Variants in KAZN observed in about 807,000 individuals in gnomAD.
KAZN encodes the protein kazrin, periplakin interacting protein, also known as kazrin.
Under a neutral mutation model 87.4 loss-of-function variants are expected in KAZN, and 40 were observed. The ratio of observed to expected loss-of-function variants is 0.46; its 90% confidence interval spans 0.36 to 0.60. KAZN has a LOEUF of 0.60. Among genes scored for constraint, KAZN ranks in the 20% least tolerant of loss-of-function variants. The pLI, the probability that KAZN is intolerant of heterozygous loss-of-function variation, is 0.00. For synonymous variants in KAZN, 466 were observed against 458.3 expected (o/e 1.02, Z -0.22); for missense variants, 898 against 1,073.9 (o/e 0.84, Z 2.29).
At chr1:14,630,024 A>G (rs1679448688) in intron 1 of KAZN, among the ~76,000 whole-genome samples, 1 of 150,100 alleles carries the variant, frequency 6.7e-6, no homozygotes, top group Non-Finnish European at 1.5e-5. Context: ...ATTTTCAGCT[A>G]CGAATGCAAT....
At chr1:14,430,866 C>CA (rs1666024654) in intron 2 of KAZN, among the ~76,000 whole-genome samples, 1 of 152,182 alleles carries the variant, frequency 6.6e-6, no homozygotes, top group South Asian at 2.1e-4. Flanking sequence ...AGCAAAGCCA[C>CA]AAAGGCTGGA....
intron 1 of KAZN, among the ~76,000 whole-genome samples, chr1:14,096,718 A>C (rs1373471643): frequency 6.6e-6 from 1 of 152,208 alleles, no homozygotes; most frequent in Non-Finnish European, 1.5e-5. Flanking sequence ...GGCAGGATTT[A>C]AGCTGAGACT....
intron 1 of KAZN, among the ~76,000 whole-genome samples, chr1:13,944,461 C>T (rs1320685977): frequency 6.6e-6 from 1 of 152,120 alleles, no homozygotes; most frequent in South Asian, 2.1e-4. Context: ...GTTGCACCAC[C>T]TGGTAAAATG....
chr1:14,868,254 C>T (rs1188671659), intron 1 of KAZN, among the ~76,000 whole-genome samples: 1 of 152,256 alleles, frequency 6.6e-6, no homozygotes, highest in Non-Finnish European at 1.5e-5. Context: ...ATCACATACG[C>T]ACAGCCAGGG....
chr1:14,574,873 G>C (rs1369497023), intron 2 of KAZN, among the ~76,000 whole-genome samples: 2 of 152,212 alleles, frequency 1.3e-5, no homozygotes, highest in African/African-American at 4.8e-5. Context: ...AGAGCGCACA[G>C]AGCAGTGGCT....
chr1:15,102,998 C>T (rs985043731), intron 11 of KAZN, among the ~76,000 whole-genome samples: 5 of 152,206 alleles, frequency 3.3e-5, no homozygotes, highest in East Asian at 1.9e-4. Flanking sequence ...TGGTGGCTCA[C>T]GCCTGTAATC....
At chr1:14,796,533 A>G (rs781526726) in intron 1 of KAZN, among the ~76,000 whole-genome samples, 2 of 152,200 alleles carry the variant, frequency 1.3e-5, no homozygotes, top group Non-Finnish European at 2.9e-5. Context: ...GGAAACTGAC[A>G]ATTCTTCAGA....
chr1:14,040,777 A>ATAAAATTAAATTAAATTAAAT (rs1557426834), intron 1 of KAZN, among the ~76,000 whole-genome samples: 19 of 106,726 alleles, frequency 1.8e-4, no homozygotes, highest in Non-Finnish European at 2.0e-4. Flanking sequence ...AAAAATTAAA[A>ATAAAATTAAATTAAATTAAAT]TAAAATAAAA....
chr1:14,140,260 T>C (rs1331928943), intron 1 of KAZN, among the ~76,000 whole-genome samples: 1 of 152,098 alleles, frequency 6.6e-6, no homozygotes, highest in Non-Finnish European at 1.5e-5. Flanking sequence ...TCAATTTCCT[T>C]ATCTGTAAAA....
intron 2 of KAZN, among the ~76,000 whole-genome samples, chr1:14,570,163 G>A (rs964177926): frequency 4.6e-5 from 7 of 152,116 alleles, no homozygotes; most frequent in Non-Finnish European, 1.0e-4. Flanking sequence ...CCCATCTCAC[G>A]CTCCTCTCTC....
At chr1:14,956,372 G>A (rs546826431) in intron 1 of KAZN, among the ~76,000 whole-genome samples, 1 of 151,492 alleles carries the variant, frequency 6.6e-6, no homozygotes, top group South Asian at 2.1e-4. Flanking sequence ...GGCTGAGGCA[G>A]GTGGATCATC....
At chr1:14,697,159 A>AAAAAAAAAAAG (rs1557897126) in intron 1 of KAZN, among the ~76,000 whole-genome samples, 1 of 135,074 alleles carries the variant, frequency 7.4e-6, no homozygotes, top group Non-Finnish European at 1.6e-5. Context: ...AAAAAAAAAG[A>AAAAAAAAAAAG]AAAGAAAAGA....
At chr1:14,829,234 A>T (rs1241937617) in intron 1 of KAZN, among the ~76,000 whole-genome samples, 1 of 152,224 alleles carries the variant, frequency 6.6e-6, no homozygotes, top group Non-Finnish European at 1.5e-5. Context: ...AGAGCTATGG[A>T]TGACTTTATG....
intron 1 of KAZN, among the ~76,000 whole-genome samples, chr1:14,881,640 G>A (rs1653348696): frequency 6.6e-6 from 1 of 152,188 alleles, no homozygotes; most frequent in Non-Finnish European, 1.5e-5. Context: ...TCATGTCTGA[G>A]ATTATTTCAG....
intron 1 of KAZN, among the ~76,000 whole-genome samples, chr1:14,612,843 A>T (rs556156742): frequency 8.5e-5 from 13 of 152,320 alleles, no homozygotes; most frequent in African/African-American, 3.1e-4. Context: ...TAAGGGACTA[A>T]CATACTGTGC....
chr1:14,230,162 C>G (rs1231081524), intron 2 of KAZN, among the ~76,000 whole-genome samples: 1 of 152,134 alleles, frequency 6.6e-6, no homozygotes, highest in African/African-American at 2.4e-5. Context: ...TACCTTATTG[C>G]CTGAGCAGTT....
intron 1 of KAZN, among the ~76,000 whole-genome samples, chr1:14,720,440 G>T (rs1010370056): frequency 3.3e-5 from 5 of 152,092 alleles, no homozygotes; most frequent in East Asian, 1.9e-4. Flanking sequence ...GCCCCAAAAG[G>T]TTCTTGTCTC....
At chr1:14,701,551 G>C (rs549849522) in intron 1 of KAZN, among the ~76,000 whole-genome samples, 1 of 152,344 alleles carries the variant, frequency 6.6e-6, no homozygotes, top group South Asian at 2.1e-4. Flanking sequence ...GCAGCACTTT[G>C]GAGGCCAAGG....
At chr1:14,347,279 T>C (rs1658174348) in intron 2 of KAZN, among the ~76,000 whole-genome samples, 1 of 152,190 alleles carries the variant, frequency 6.6e-6, no homozygotes, top group Non-Finnish European at 1.5e-5. Context: ...CCAAGGCTTA[T>C]GCAGCACATA....
Sources: gnomAD v4.1 joint callset for allele counts (sites outside exome capture counted in the v4.1 genomes callset) on GRCh38, gnomAD v4.1.1 for gene constraint, MANE v1.5 for transcripts, NCBI Gene and HGNC (gene_info 2026-07-23, HGNC 2026-07-21) for gene names.